Variants in STPG2 observed in about 807,000 individuals in gnomAD.
The protein encoded by STPG2 is sperm tail PG-rich repeat containing 2.
A neutral mutation model predicts 54.2 loss-of-function variants in STPG2; 56 were observed. The ratio of observed to expected loss-of-function variants is 1.03; its 90% CI spans 0.83 to 1.29. The LOEUF is 1.29. STPG2 is among the 50% of genes most tolerant of loss of function. The pLI is 0.00. For synonymous variants in STPG2, 200 were observed against 181.8 expected, an observed-to-expected ratio of 1.10 and a Z score of -0.81; for missense variants, 596 against 544.9, an observed-to-expected ratio of 1.09 and a Z score of -0.93.
Position 97,972,579 on chromosome 4 carries a change from G to C in STPG2, c.773-139C>G, listed in dbSNP as rs550253955. Reference sequence around the variant, plus strand: ...TCTGGCATAAATGTAAAATGGCATAGTCGCATTTTAAAATTTGGTCAAATT... The same window carrying C: ...TCTGGCATAAATGTAAAATGGCATACTCGCATTTTAAAATTTGGTCAAATT... On this transcript the variant is annotated intron_variant, in intron 6 of 10. Transcript: ENST00000295268. 341 of 496,180 alleles carry C rather than the reference G, an allele frequency of 6.9e-4. 2 individuals carry two copies. The highest frequency in any genetic ancestry group is 6.1e-3 in the African/African-American group (305 of 49,930). 30.7% of individuals were successfully genotyped at this position (496,180 alleles called of 1,614,324 possible). A position where few individuals can be genotyped will look rare whatever the true frequency, so the allele number is the denominator to read the frequency against.
At chr4:98,080,885 T>C (rs1278540958) in intron 5 of STPG2, among the ~76,000 whole-genome samples, 1 of 152,200 alleles carries the variant, frequency 6.6e-6, no homozygotes, top group Non-Finnish European at 1.5e-5. Flanking sequence ...TTTTCCTAGA[T>C]ACTAAACTAT....
intron 9 of STPG2, among the ~76,000 whole-genome samples, chr4:97,787,545 T>C (rs1320986692): frequency 6.6e-6 from 1 of 152,078 alleles, no homozygotes; most frequent in Non-Finnish European, 1.5e-5. Context: ...TTAAAGATTT[T>C]GTGTCTGTTC....
intron 7 of STPG2, among the ~76,000 whole-genome samples, chr4:97,951,986 G>A (rs769815289): frequency 3.9e-5 from 6 of 152,118 alleles, no homozygotes; most frequent in South Asian, 2.1e-4. Context: ...AGCTACCTCC[G>A]CCCCTGTGTC....
chr4:97,722,486 T>G (rs1724479983), intron 9 of STPG2, among the ~76,000 whole-genome samples: 1 of 152,150 alleles, frequency 6.6e-6, no homozygotes, highest in South Asian at 2.1e-4. Context: ...ATTGCCACAC[T>G]TTTTGAGGGG....
chr4:97,611,124 ATTTCAAACGTGTGTTTT>A (rs1733719871), intron 10 of STPG2, among the ~76,000 whole-genome samples: 1 of 152,136 alleles, frequency 6.6e-6, no homozygotes, highest in Non-Finnish European at 1.5e-5. Context: ...TCACATAAGA[ATTTCAAACGTGTGTTTT>A]TAATCTTTCA....
chr4:97,847,694 T>C (rs2149127460), intron 8 of STPG2, among the ~76,000 whole-genome samples: 1 of 152,328 alleles, frequency 6.6e-6, no homozygotes, highest in South Asian at 2.1e-4. Context: ...TTGCACATCA[T>C]TATCCTCAGA....
intron 8 of STPG2, among the ~76,000 whole-genome samples, chr4:97,937,926 T>C (rs1560599527): frequency 6.6e-6 from 1 of 152,262 alleles, no homozygotes; most frequent in Middle Eastern, 3.4e-3. Context: ...TGAGGGGGTG[T>C]ACTGCACTTG....
intron 5 of STPG2, among the ~76,000 whole-genome samples, chr4:98,100,956 G>A (rs986658637): frequency 9.2e-5 from 14 of 152,156 alleles, no homozygotes; most frequent in African/African-American, 3.1e-4. Flanking sequence ...GATTACAGTC[G>A]TGAGCCACTG....
intron 10 of STPG2, among the ~76,000 whole-genome samples, chr4:97,663,310 A>G (rs541945266): frequency 6.6e-6 from 1 of 152,330 alleles, no homozygotes; most frequent in South Asian, 2.1e-4. Context: ...GGTACAACAG[A>G]AAAAGAAAAA....
At chr4:97,780,905 C>T (rs1262654281) in intron 9 of STPG2, among the ~76,000 whole-genome samples, 2 of 151,882 alleles carry the variant, frequency 1.3e-5, no homozygotes, top group Non-Finnish European at 2.9e-5. Flanking sequence ...CACAACATAC[C>T]AGAATCTCTG....
At chr4:98,133,983 A>C (rs539155467) in intron 2 of STPG2, among the ~76,000 whole-genome samples, 2 of 152,044 alleles carry the variant, frequency 1.3e-5, no homozygotes, top group Admixed American at 1.3e-4. Flanking sequence ...CTATAGCTTT[A>C]AAGCATGGCA....
rs147577363 is a variant in STPG2, at chr4:97,738,163, A to C, written c.1205-25349T>G. On this transcript the variant is annotated intron_variant, in intron 9 of 10. Transcript: ENST00000295268. ...ATACTTTACAGACAAGGAAATGCTG[A>C]GAGATTTTGTTACCACCAGGCCTGC... is the stretch of plus-strand genomic sequence containing the variant. Among the ~76,000 whole-genome samples the C allele has an allele frequency of 3.5e-3, 532 of 152,304 alleles. 4 individuals carry two copies. The highest frequency in any genetic ancestry group is 0.013 in the African/African-American group (522 of 41,578).
chr4:97,930,223 T>C (rs551730757), intron 8 of STPG2, among the ~76,000 whole-genome samples: 2 of 152,220 alleles, frequency 1.3e-5, no homozygotes, highest in South Asian at 2.1e-4. Flanking sequence ...TGCAATTACT[T>C]TTGGTGTCTT....
At chr4:97,615,566 C>T (rs1183536020) in intron 10 of STPG2, among the ~76,000 whole-genome samples, 1 of 152,032 alleles carries the variant, frequency 6.6e-6, no homozygotes, top group Non-Finnish European at 1.5e-5. Context: ...AGGATGACTA[C>T]TGCATCTGGC....
chr4:97,899,096 C>G (rs1225960214), intron 8 of STPG2, among the ~76,000 whole-genome samples: 1 of 151,780 alleles, frequency 6.6e-6, no homozygotes, highest in East Asian at 1.9e-4. Flanking sequence ...CCAAAAGCTC[C>G]TTCAGCTAAT....
intron 3 of STPG2, among the ~76,000 whole-genome samples, chr4:98,110,241 A>C: frequency 6.6e-6 from 1 of 152,088 alleles, no homozygotes; most frequent in East Asian, 1.9e-4. Flanking sequence ...ACAGTCTAAA[A>C]TAATAATTCA....
chr4:97,659,894 C>A (rs1313165501), intron 10 of STPG2, among the ~76,000 whole-genome samples: 1 of 152,180 alleles, frequency 6.6e-6, no homozygotes, highest in African/African-American at 2.4e-5. Flanking sequence ...CAGAGTACAT[C>A]CATCACTTCA....
At chr4:97,972,745 G>T (rs1162352606) in intron 6 of STPG2, among the ~76,000 whole-genome samples, 2 of 152,086 alleles carry the variant, frequency 1.3e-5, no homozygotes, top group Non-Finnish European at 2.9e-5. Context: ...TCATGGGGGT[G>T]GATCTTTCCC....
chr4:97,859,799 T>C (rs1729458445), intron 8 of STPG2, among the ~76,000 whole-genome samples: 1 of 152,208 alleles, frequency 6.6e-6, no homozygotes, highest in Non-Finnish European at 1.5e-5. Flanking sequence ...ACTCTTGGCC[T>C]AAGCCAATGC....
Sources: allele counts gnomAD v4.1 joint callset (sites outside exome capture counted in the v4.1 genomes callset), GRCh38; gene constraint gnomAD v4.1.1; transcripts MANE v1.5; gene names NCBI Gene and HGNC (gene_info 2026-07-23, HGNC 2026-07-21).